The following PDGFC variants were observed in gnomAD, a reference collection of about 807,000 sequenced individuals.
The protein encoded by PDGFC is platelet-derived growth factor C.
PDGFC carries 12 observed loss-of-function variants against 35.5 expected under a neutral mutation model. The observed-to-expected ratio is 0.34, with a 90% CI of 0.22 to 0.55. PDGFC has a LOEUF of 0.55. PDGFC is among the 20% of genes least tolerant of loss of function. The pLI, the probability that PDGFC is intolerant of heterozygous loss-of-function variation, is 0.91. For missense variants in PDGFC, 322 were observed against 412.4 expected, an observed-to-expected ratio of 0.78 and a Z score of 1.90; for synonymous variants, 159 against 148.8, an observed-to-expected ratio of 1.07 and a Z score of -0.50.
chr4:156,763,068 A>C lies in PDGFC; in HGVS notation c.*22T>G. 1,917 of 1,202,520 alleles carry C rather than the reference A, an allele frequency of 1.6e-3. No individual in the cohort carries two copies. The highest frequency in any genetic ancestry group is 2.2e-3 in the Non-Finnish European group (1,768 of 804,430). The allele number at this position is 1,202,520 out of a possible 1,614,324, so 74.5% of individuals were successfully genotyped here. On this transcript the variant is annotated 3_prime_UTR_variant, in exon 6 of 6. Coordinates refer to ENST00000502773, the MANE Select transcript of PDGFC (RefSeq NM_016205.3). ...CCACTGCACTGCACAGCTCTGGGCAAGAGCTGCTGGTGGTGATGCGGCTAT... is the reference window on the plus strand; with the variant it reads ...CCACTGCACTGCACAGCTCTGGGCACGAGCTGCTGGTGGTGATGCGGCTAT...
intron 1 of PDGFC, among the ~76,000 whole-genome samples, chr4:156,930,589 CG>C (rs1210934886): frequency 6.6e-6 from 1 of 152,146 alleles, no homozygotes; most frequent in Non-Finnish European, 1.5e-5. Flanking sequence ...AGGTTTAGGC[CG>C]GGCGCAGCGT....
chr4:156,859,892 A>T (rs114827701), intron 1 of PDGFC, among the ~76,000 whole-genome samples: 286 of 150,258 alleles, frequency 1.9e-3, no homozygotes, highest in African/African-American at 6.8e-3. Context: ...GCTGGCCTAT[A>T]AAAAAAAAGA....
chr4:156,782,061 T>C (rs1474031139), intron 3 of PDGFC, among the ~76,000 whole-genome samples: 1 of 152,178 alleles, frequency 6.6e-6, no homozygotes, highest in Non-Finnish European at 1.5e-5. Context: ...TCTAGACTGA[T>C]GTGGCAAATC....
In PDGFC at chr4:156,767,900, C is replaced by G. The variant is rs138079287; in HGVS notation, c.794G>C (p.Arg265Thr). Residue 265 changes from arginine (R) to threonine (T), a missense_variant, in exon 5 of 6, where the codon AGA becomes ACA. Transcript: ENST00000502773. ...FSVSIREELK[R>T]TDTIFWPGCL... The stretch of plus-strand genomic sequence containing the variant: ...ACCTGGCCAGAAAATGGTATCGGTT[C>G]TCTTTAGTTCTTCCCTTATGGACAC... 2.2e-5 allele frequency: 35 copies of G among 1,612,718 alleles called. No homozygotes were observed. The highest frequency in any genetic ancestry group is 2.8e-5 in the Non-Finnish European group (33 of 1,178,940).
chr4:156,898,496 CCTCTCA>C (rs2110752030), intron 1 of PDGFC, among the ~76,000 whole-genome samples: 1 of 152,260 alleles, frequency 6.6e-6, no homozygotes, highest in South Asian at 2.1e-4. Context: ...TCCTCCCAGC[CCTCTCA>C]CTTTCACTTC....
intron 1 of PDGFC, among the ~76,000 whole-genome samples, chr4:156,903,104 A>AGTGTGTGTGT (rs10684023): frequency 1.1e-4 from 14 of 130,676 alleles, no homozygotes; most frequent in African/African-American, 3.4e-4. Flanking sequence ...AGAGAGAGAG[A>AGTGTGTGTGT]GTGTGTGTGT....
At chr4:156,951,313 G>T (rs1732074853) in intron 1 of PDGFC, among the ~76,000 whole-genome samples, 1 of 151,814 alleles carries the variant, frequency 6.6e-6, no homozygotes, top group African/African-American at 2.4e-5. Flanking sequence ...TATAATCAAT[G>T]CAGGCAAATA....
At chr4:156,798,826 G>A (rs1731518499) in intron 3 of PDGFC, among the ~76,000 whole-genome samples, 1 of 152,098 alleles carries the variant, frequency 6.6e-6, no homozygotes, top group African/African-American at 2.4e-5. Flanking sequence ...CTTGTACCCA[G>A]CAGAAAAGTG....
At chr4:156,933,961 C>G (rs558168143) in intron 1 of PDGFC, among the ~76,000 whole-genome samples, 1 of 152,126 alleles carries the variant, frequency 6.6e-6, no homozygotes, top group Admixed American at 6.5e-5. Flanking sequence ...TATAAATTAC[C>G]CAGTCTCAGG....
At chr4:156,907,493 C>T (rs1730941639) in intron 1 of PDGFC, among the ~76,000 whole-genome samples, 1 of 152,170 alleles carries the variant, frequency 6.6e-6, no homozygotes, top group Non-Finnish European at 1.5e-5. Context: ...AAGATTGTTT[C>T]ACCTGAATTT....
chr4:156,787,161 G>A (rs1483023098), intron 3 of PDGFC, among the ~76,000 whole-genome samples: 1 of 152,212 alleles, frequency 6.6e-6, no homozygotes, highest in Non-Finnish European at 1.5e-5. Context: ...TTAAAAAGGG[G>A]ACTGAATCTA....
At chr4:156,842,708 C>T (rs1460732779) in intron 2 of PDGFC, among the ~76,000 whole-genome samples, 1 of 152,178 alleles carries the variant, frequency 6.6e-6, no homozygotes, top group Admixed American at 6.5e-5. Context: ...CAAGGCATCT[C>T]AGGCTCCAGA....
intron 1 of PDGFC, among the ~76,000 whole-genome samples, chr4:156,859,161 C>T (rs994857808): frequency 2.0e-5 from 3 of 151,838 alleles, no homozygotes; most frequent in African/African-American, 7.2e-5. Context: ...TTGAGCAAAA[C>T]AAATGAATTT....
intron 1 of PDGFC, among the ~76,000 whole-genome samples, chr4:156,934,721 G>A (rs1322548753): frequency 6.6e-6 from 1 of 151,912 alleles, no homozygotes; most frequent in East Asian, 1.9e-4. Context: ...TATTCTATGT[G>A]CTTGTTTCTA....
intron 1 of PDGFC, among the ~76,000 whole-genome samples, chr4:156,865,483 A>T (rs990861672): frequency 6.6e-6 from 1 of 152,196 alleles, no homozygotes; most frequent in Admixed American, 6.5e-5. Flanking sequence ...AAAAGGATGA[A>T]TTTACTCCAA....
chr4:156,781,740 C>A (rs1730985390), intron 3 of PDGFC, among the ~76,000 whole-genome samples: 1 of 152,050 alleles, frequency 6.6e-6, no homozygotes, highest in African/African-American at 2.4e-5. Context: ...ATGGTGAACA[C>A]CTCATTTATG....
chr4:156,914,481 G>C (rs1193490722), intron 1 of PDGFC, among the ~76,000 whole-genome samples: 1 of 152,106 alleles, frequency 6.6e-6, no homozygotes, highest in African/African-American at 2.4e-5. Flanking sequence ...TGGATATTCT[G>C]TTACTTATAC....
chr4:156,782,714 C>T (rs1007422315), intron 3 of PDGFC, among the ~76,000 whole-genome samples: 1 of 152,070 alleles, frequency 6.6e-6, no homozygotes, highest in Non-Finnish European at 1.5e-5. Context: ...AAACGATCAC[C>T]AGGGGCAACA....
At chr4:156,832,622 C>A (rs542690631) in intron 2 of PDGFC, among the ~76,000 whole-genome samples, 82 of 152,214 alleles carry the variant, frequency 5.4e-4, no homozygotes, top group Middle Eastern at 6.8e-3. Context: ...CATCAATGGC[C>A]GTTATTTTCT....
Sources: gnomAD v4.1 joint callset for allele counts (sites outside exome capture counted in the v4.1 genomes callset) on GRCh38, gnomAD v4.1.1 for gene constraint, MANE v1.5 for transcripts, NCBI Gene and HGNC (gene_info 2026-07-23, HGNC 2026-07-21) for gene names.